Variants in GHR observed in about 807,000 individuals in gnomAD.
GHR encodes growth hormone receptor.
Under a neutral mutation model 67.1 loss-of-function variants are expected in GHR, and 35 were observed. That is an observed-to-expected ratio of 0.52 (90% CI 0.40 to 0.69). GHR has a LOEUF of 0.69. GHR is among the 30% of genes least tolerant of loss of function. The pLI is 0.00. For synonymous variants in GHR, 272 were observed against 269.1 expected (o/e 1.01, Z -0.10); for missense variants, 792 against 764.6 (o/e 1.04, Z -0.42).
intron 1 of GHR, among the ~76,000 whole-genome samples, chr5:42,543,203 A>G (rs1366824967): frequency 6.6e-6 from 1 of 152,106 alleles, no homozygotes; most frequent in Non-Finnish European, 1.5e-5. Flanking sequence ...TCTTTGAGGA[A>G]TTTCCATATT....
At chr5:42,607,490 CTTTGTTAT>C (rs1192059217) in intron 2 of GHR, among the ~76,000 whole-genome samples, 1 of 152,112 alleles carries the variant, frequency 6.6e-6, no homozygotes, top group Non-Finnish European at 1.5e-5. Flanking sequence ...AGGGAAAAGG[CTTTGTTAT>C]CCTTATTCTG....
chr5:42,516,043 T>C lies in GHR; in HGVS notation c.-11-49821T>C, dbSNP rs76825454. 1.6e-3 allele frequency among the ~76,000 whole-genome samples: 251 copies of C among 152,326 alleles called. 1 individual carries two copies. The highest frequency in any genetic ancestry group is 2.9e-3 in the Non-Finnish European group (194 of 68,020). On this transcript the variant is annotated intron_variant, in intron 1 of 9. Transcript: ENST00000230882. Reference sequence around the variant, plus strand: ...AGGGGGCACAGAGAATGTAGTAACATAATAAGTTAGATTTTTGTTGTTTTC... The same window carrying C: ...AGGGGGCACAGAGAATGTAGTAACACAATAAGTTAGATTTTTGTTGTTTTC...
In GHR at chr5:42,719,331, A is replaced by C; in HGVS notation, c.1824A>C (p.Ile608=). The change falls in exon 10 of 10, where the codon ATA becomes ATC. Residue 608 remains isoleucine (I), a synonymous_variant. Coordinates refer to ENST00000230882, the MANE Select transcript of GHR (RefSeq NM_000163.5). The part of the protein sequence containing the change: ...IHIVQSPQGL[I]LNATALPLPD... ...TAGTACAGTCCCCACAGGGCCTCAT[A>C]CTCAATGCGACTGCCTTGCCCTTGC... The C allele has an allele frequency of 6.2e-7, 1 of 1,614,106 alleles. No homozygotes were observed. Among genetic ancestry groups the C allele is most frequent in the Non-Finnish European group, 8.5e-7 (1 of 1,179,984 alleles).
intron 4 of GHR, among the ~76,000 whole-genome samples, chr5:42,691,607 A>G (rs1757425507): frequency 6.6e-6 from 1 of 152,252 alleles, no homozygotes; most frequent in African/African-American, 2.4e-5. Flanking sequence ...GATTTTATCC[A>G]AAGTCAGAGT....
chr5:42,468,579 G>T lies in GHR; in HGVS notation c.-12+44624G>T, dbSNP rs1188369499. ...CCTTCTTTCTTAAGCACCATGGACG[G>T]CTGCGTCTCCTCTTTCCTGTCAACC... is the stretch of plus-strand genomic sequence containing the variant. On this transcript the variant is annotated intron_variant, in intron 1 of 9. Coordinates refer to ENST00000230882, the MANE Select transcript of GHR (RefSeq NM_000163.5). 6 of 979,480 alleles carry T rather than the reference G, an allele frequency of 6.1e-6. No individual in the cohort carries two copies. In the African/African-American group the frequency reaches 8.2e-5, roughly 13 times the overall value. 60.7% of individuals were successfully genotyped at this position (979,480 alleles called of 1,614,324 possible). A position where few individuals can be genotyped will look rare whatever the true frequency, so the allele number is the denominator to read the frequency against.
chr5:42,490,995 A>G (rs1171791378), intron 1 of GHR, among the ~76,000 whole-genome samples: 1 of 152,238 alleles, frequency 6.6e-6, no homozygotes, highest in East Asian at 1.9e-4. Context: ...CTGTTGTCAT[A>G]ATATTTCTAA....
chr5:42,628,506 T>G (rs6897405), intron 2 of GHR, among the ~76,000 whole-genome samples: 1 of 131,416 alleles, frequency 7.6e-6, no homozygotes, highest in Non-Finnish European at 1.6e-5. Context: ...ATGGAAGGTA[T>G]ACATTGGTTC....
chr5:42,695,318 G>T (rs1757622585), intron 5 of GHR, among the ~76,000 whole-genome samples: 1 of 152,200 alleles, frequency 6.6e-6, no homozygotes, highest in South Asian at 2.1e-4. Context: ...TTGTGAAGAA[G>T]AGAATAGGAA....
intron 2 of GHR, among the ~76,000 whole-genome samples, chr5:42,602,593 T>G (rs1252170122): frequency 3.9e-5 from 6 of 152,184 alleles, no homozygotes; most frequent in African/African-American, 9.6e-5. Context: ...TTTTTTCTCT[T>G]GCTCTCTTCT....
intron 1 of GHR, among the ~76,000 whole-genome samples, chr5:42,555,405 C>T (rs1327525445): frequency 6.6e-6 from 1 of 152,166 alleles, no homozygotes; most frequent in African/African-American, 2.4e-5. Context: ...CCAAATATTA[C>T]TCTGTCTTTT....
intron 1 of GHR, among the ~76,000 whole-genome samples, chr5:42,514,614 C>T (rs535513045): frequency 4.0e-4 from 61 of 152,214 alleles, no homozygotes; most frequent in African/African-American, 1.4e-3. Context: ...GAGGCAAAGA[C>T]AGTGACTAGA....
In GHR at chr5:42,493,636, C is replaced by G. The variant is rs187754273; in HGVS notation, c.-12+69681C>G. Among the ~76,000 whole-genome samples the G allele has an allele frequency of 6.6e-5, 10 of 152,176 alleles. No homozygotes were observed. The East Asian group carries it at 1.9e-3, about 29-fold the overall frequency. On this transcript the variant is annotated intron_variant, in intron 1 of 9. Coordinates refer to ENST00000230882, the MANE Select transcript of GHR (RefSeq NM_000163.5). ...AGAAAAGAAAGTTAATTTTAGGATC[C>G]TTTAATGCCTATAAATTTAGAGCAA...
At chr5:42,674,221 TA>T (rs1169971068) in intron 3 of GHR, among the ~76,000 whole-genome samples, 4 of 152,274 alleles carry the variant, frequency 2.6e-5, no homozygotes, top group African/African-American at 7.2e-5. Context: ...AGGCCAAAAT[TA>T]ATGAGCTGTG....
At chr5:42,454,649 C>T (rs1197051032) in intron 1 of GHR, among the ~76,000 whole-genome samples, 1 of 152,120 alleles carries the variant, frequency 6.6e-6, no homozygotes, top group East Asian at 1.9e-4. Context: ...GGAGAATAGC[C>T]AGTAGTGAAA....
chr5:42,521,535 C>T (rs1391778067), intron 1 of GHR, among the ~76,000 whole-genome samples: 1 of 151,388 alleles, frequency 6.6e-6, no homozygotes, highest in Non-Finnish European at 1.5e-5. Context: ...ACTCATGCTG[C>T]AGATCTTCTC....
At chr5:42,664,441 A>G (rs1441460784) in intron 3 of GHR, among the ~76,000 whole-genome samples, 1 of 152,224 alleles carries the variant, frequency 6.6e-6, no homozygotes, top group South Asian at 2.1e-4. Context: ...ATAACACTGC[A>G]TGTCTACAAC....
At chr5:42,703,363 T>G (rs1313488887) in intron 6 of GHR, among the ~76,000 whole-genome samples, 2 of 152,078 alleles carry the variant, frequency 1.3e-5, no homozygotes, top group African/African-American at 4.8e-5. Flanking sequence ...CAATTTACTG[T>G]AAATGTGTGG....
In GHR at chr5:42,718,626, A is replaced by T. The variant is rs1758846143; in HGVS notation, c.1119A>T (p.Ser373=). Residue 373 remains serine (S), a synonymous_variant, in exon 10 of 10, where the codon TCA becomes TCT. Transcript: ENST00000230882. The part of the protein sequence containing the change: ...DRLLSSDHEK[S]HSNLGVKDGD... The stretch of plus-strand genomic sequence containing the variant: ...TTCTAAGCAGTGACCATGAGAAATC[A>T]CATAGTAACCTAGGGGTGAAGGATG... 6.2e-7 allele frequency: 1 copy of T among 1,613,800 alleles called. No individual in the cohort carries two copies.
At chr5:42,600,880 C>T (rs547227201) in intron 2 of GHR, among the ~76,000 whole-genome samples, 5 of 148,942 alleles carry the variant, frequency 3.4e-5, no homozygotes, top group African/African-American at 9.9e-5. Flanking sequence ...AAACTGTTAC[C>T]GTTCTGTGTC....
Sources: gnomAD v4.1 joint callset for allele counts (sites outside exome capture counted in the v4.1 genomes callset) on GRCh38, gnomAD v4.1.1 for gene constraint, MANE v1.5 for transcripts, NCBI Gene and HGNC (gene_info 2026-07-23, HGNC 2026-07-21) for gene names.